NDRG1: variants seen among roughly 807,000 people sequenced by gnomAD.
NDRG1 encodes protein NDRG1.
In NDRG1, 32 loss-of-function variants were observed where a neutral mutation model predicts 56.9. The observed-to-expected ratio is 0.56, with a 90% CI of 0.42 to 0.76. NDRG1 has a LOEUF of 0.76. NDRG1 is among the 30% of genes least tolerant of loss of function. The pLI is 0.00. For missense variants in NDRG1, 507 were observed against 545.7 expected, an observed-to-expected ratio of 0.93 and a Z score of 0.71; for synonymous variants, 211 against 204.1, an observed-to-expected ratio of 1.03 and a Z score of -0.29.
At chr8:133,291,473 G>A (rs1306839056) in intron 1 of NDRG1, among the ~76,000 whole-genome samples, 2 of 152,064 alleles carry the variant, frequency 1.3e-5, no homozygotes, top group East Asian at 3.9e-4. Flanking sequence ...AGCAGTTCAT[G>A]GGCTCTCTTG....
chr8:133,286,294 C>CTTT (rs1858110243), intron 1 of NDRG1, among the ~76,000 whole-genome samples: 1 of 152,162 alleles, frequency 6.6e-6, no homozygotes, highest in Non-Finnish European at 1.5e-5. Context: ...GTCTGGAAAA[C>CTTT]AAATTCTACA....
At chr8:133,261,249 C>A (rs991667454) in intron 5 of NDRG1, among the ~76,000 whole-genome samples, 3 of 152,080 alleles carry the variant, frequency 2.0e-5, no homozygotes, top group African/African-American at 7.2e-5. Flanking sequence ...GGGATTATAG[C>A]CACCCGCCAC....
chr8:133,259,087 C>T (rs974637672), intron 6 of NDRG1, 81 bp downstream of exon 6: 16 of 1,461,554 alleles, frequency 1.1e-5, no homozygotes, highest in Non-Finnish European at 1.5e-5. Context: ...GTGGTCAGTC[C>T]AGATCAAAGC....
chr8:133,262,200 AAAGT>A (rs1407538271), intron 4 of NDRG1, 33 bp from the exon 5 acceptor site: 12 of 1,613,810 alleles, frequency 7.4e-6, no homozygotes, highest in African/African-American at 5.3e-5. Flanking sequence ...AGAAGAGAAA[AAAGT>A]AAGATGAGAA....
At chr8:133,285,420 C>T (rs572874769) in intron 1 of NDRG1, among the ~76,000 whole-genome samples, 1 of 152,268 alleles carries the variant, frequency 6.6e-6, no homozygotes, top group South Asian at 2.1e-4. Flanking sequence ...AACGCCTGAC[C>T]AAAGCCCTCA....
At chr8:133,280,983 T>C (rs1422359512) in intron 2 of NDRG1, 1 of 152,260 alleles carries the variant, frequency 6.6e-6, no homozygotes, top group Non-Finnish European at 1.5e-5. Flanking sequence ...GCTGCTGTCA[T>C]CTGGACCTGG....
chr8:133,259,877 T>A (rs1037425947), intron 5 of NDRG1, among the ~76,000 whole-genome samples: 1 of 152,078 alleles, frequency 6.6e-6, no homozygotes, highest in African/African-American at 2.4e-5. Context: ...GCTCAGATGA[T>A]CAGGGAGGGC....
At chr8:133,266,991 C>A (rs912559869) in intron 3 of NDRG1, among the ~76,000 whole-genome samples, 1 of 152,124 alleles carries the variant, frequency 6.6e-6, no homozygotes, top group Non-Finnish European at 1.5e-5. Context: ...TCCCCCGCAG[C>A]GTATGAAAGC....
At chr8:133,278,230 C>T (rs1178392570) in intron 3 of NDRG1, among the ~76,000 whole-genome samples, 1 of 152,140 alleles carries the variant, frequency 6.6e-6, no homozygotes, top group Non-Finnish European at 1.5e-5. Context: ...GGTGCTGGTG[C>T]CACAGCCACT....
chr8:133,261,632 A>T (rs571254810), intron 5 of NDRG1, among the ~76,000 whole-genome samples: 4 of 152,140 alleles, frequency 2.6e-5, no homozygotes, highest in Non-Finnish European at 5.9e-5. Context: ...CCAGACTTCT[A>T]GGTTTTTCTT....
chr8:133,280,855 TGA>T (rs1360967524), intron 2 of NDRG1: 1 of 153,340 alleles, frequency 6.5e-6, no homozygotes, highest in East Asian at 1.9e-4. Flanking sequence ...ATCACAAGCT[TGA>T]GAGATACAGA....
intron 9 of NDRG1, among the ~76,000 whole-genome samples, chr8:133,254,263 G>A (rs532133845): frequency 1.3e-5 from 2 of 152,286 alleles, no homozygotes; most frequent in East Asian, 3.9e-4. Context: ...TACAGGGATG[G>A]TTTTACAAAT....
Position 133,250,550 on chromosome 8 carries a change from T to C in NDRG1, c.595-7A>G. 6.2e-7 allele frequency: 1 copy of C among 1,612,996 alleles called. No individual in the cohort carries two copies. The highest frequency in any genetic ancestry group is 8.5e-7 in the Non-Finnish European group (1 of 1,179,082). ...CGTTACTCTGCATTTCTTCCTGCATTTAGAGAGGTGAGAAGATGGTCCTCA... is the reference window on the plus strand; with the variant it reads ...CGTTACTCTGCATTTCTTCCTGCATCTAGAGAGGTGAGAAGATGGTCCTCA... On this transcript the variant is annotated splice_polypyrimidine_tract_variant and splice_region_variant and intron_variant, in intron 9 of 15. Transcript: ENST00000323851.
At chr8:133,256,000 C>T (rs1365040038) in intron 8 of NDRG1, 1 of 153,120 alleles carries the variant, frequency 6.5e-6, no homozygotes, top group African/African-American at 2.4e-5. Context: ...GGTCCCTTCT[C>T]CTCCAGGCAG....
chr8:133,258,190 G>T (rs552580902), intron 7 of NDRG1, among the ~76,000 whole-genome samples, 176 bp downstream of exon 7: 163 of 151,900 alleles, frequency 1.1e-3, no homozygotes, highest in African/African-American at 3.6e-3. Flanking sequence ...GAAGAGAAAA[G>T]GCTGTGAGTA....
At chr8:133,246,959 A>G (rs1268642512) in intron 12 of NDRG1, among the ~76,000 whole-genome samples, 1 of 152,248 alleles carries the variant, frequency 6.6e-6, no homozygotes, top group Non-Finnish European at 1.5e-5. Context: ...GCCGAAATGT[A>G]AACAGTACTG....
At chr8:133,277,219 C>T (rs1316883970) in intron 3 of NDRG1, among the ~76,000 whole-genome samples, 1 of 152,050 alleles carries the variant, frequency 6.6e-6, no homozygotes, top group Non-Finnish European at 1.5e-5. Flanking sequence ...AGGATGACTG[C>T]CTAAAGCTAG....
intron 13 of NDRG1, among the ~76,000 whole-genome samples, chr8:133,246,151 TA>T (rs1443996998): frequency 6.6e-6 from 1 of 152,232 alleles, no homozygotes; most frequent in Admixed American, 6.5e-5. Context: ...CAATCAGTCA[TA>T]ACTGGCAAAG....
At chr8:133,283,622 A>C (rs374840081) in intron 2 of NDRG1, among the ~76,000 whole-genome samples, 21 of 152,382 alleles carry the variant, frequency 1.4e-4, no homozygotes, top group African/African-American at 5.0e-4. Flanking sequence ...TCTATGGCAA[A>C]GTTCTAACTG....
Sources: gnomAD v4.1 joint callset for allele counts (sites outside exome capture counted in the v4.1 genomes callset) on GRCh38, gnomAD v4.1.1 for gene constraint, MANE v1.5 for transcripts, NCBI Gene and HGNC (gene_info 2026-07-23, HGNC 2026-07-21) for gene names.